Variants in TTC28 observed in about 807,000 individuals in gnomAD.
TTC28 encodes the protein tetratricopeptide repeat protein 28.
In TTC28, 61 loss-of-function variants were observed where a neutral mutation model predicts 198.0. The observed-to-expected ratio is 0.31, with a 90% CI of 0.25 to 0.38. The LOEUF is 0.38. TTC28 is among the 10% of genes least tolerant of loss of function. The pLI is 1.00. For missense variants in TTC28, 2,678 were observed against 3,164.0 expected, an observed-to-expected ratio of 0.85 and a Z score of 3.69; for synonymous variants, 1,171 against 1,297.8, an observed-to-expected ratio of 0.90 and a Z score of 2.10.
chr22:28,090,719 A>T (rs1349351280), intron 12 of TTC28, among the ~76,000 whole-genome samples: 1 of 152,198 alleles, frequency 6.6e-6, no homozygotes, highest in Non-Finnish European at 1.5e-5. Flanking sequence ...TTTAAAAAAT[A>T]TTTACTAAAT....
At chr22:28,518,236 T>G (rs1051876720) in intron 2 of TTC28, among the ~76,000 whole-genome samples, 1 of 152,204 alleles carries the variant, frequency 6.6e-6, no homozygotes, top group East Asian at 1.9e-4. Flanking sequence ...TGCATGGGGT[T>G]TGGAGAACTG....
intron 2 of TTC28, among the ~76,000 whole-genome samples, chr22:28,413,769 T>C (rs980282222): frequency 2.0e-5 from 3 of 152,198 alleles, no homozygotes; most frequent in Non-Finnish European, 4.4e-5. Context: ...GTGGTAACTT[T>C]CCACCACCAA....
intron 6 of TTC28, among the ~76,000 whole-genome samples, chr22:28,115,517 G>A (rs1328930679): frequency 6.6e-6 from 1 of 152,184 alleles, no homozygotes; most frequent in Admixed American, 6.5e-5. Flanking sequence ...TGAACAGATT[G>A]ATGGCCTGGC....
chr22:28,294,978 T>A (rs1226013982), intron 5 of TTC28, among the ~76,000 whole-genome samples: 1 of 152,194 alleles, frequency 6.6e-6, no homozygotes, highest in Non-Finnish European at 1.5e-5. Flanking sequence ...CATTAGTATA[T>A]CTGTCTCTAG....
At position 28,178,301 on chromosome 22, in the gene TTC28, C is replaced by CAAAA. The variant is rs71194755; in HGVS notation, c.934-14706_934-14703dup. 1.3e-3 allele frequency among the ~76,000 whole-genome samples: 181 copies of CAAAA among 137,232 alleles called. 1 individual carries two copies. Among genetic ancestry groups the CAAAA allele is most frequent in the African/African-American group, 4.6e-3 (169 of 36,584 alleles). The allele number at this position is 137,232 out of a possible 152,430, so 90.0% of individuals were successfully genotyped here. ...GAAACGCCGTCTCTACTAATAAATACAAAAAAAAAAAAAAAATTAGCCAAG... is the reference window on the plus strand; with the variant it reads ...GAAACGCCGTCTCTACTAATAAATACAAAAAAAAAAAAAAAAAAAATTAGCCAAG... On this transcript the variant is annotated intron_variant, in intron 5 of 22. Coordinates refer to ENST00000397906, the MANE Select transcript of TTC28 (RefSeq NM_001145418.2).
intron 2 of TTC28, among the ~76,000 whole-genome samples, chr22:28,356,364 A>G (rs1320025530): frequency 1.3e-5 from 2 of 152,142 alleles, no homozygotes; most frequent in Non-Finnish European, 2.9e-5. Flanking sequence ...TACATAGTCC[A>G]TGGGGTTCCT....
At chr22:28,611,178 A>G (rs1407825068) in intron 2 of TTC28, among the ~76,000 whole-genome samples, 1 of 152,210 alleles carries the variant, frequency 6.6e-6, no homozygotes, top group Admixed American at 6.5e-5. Flanking sequence ...AACTTCCCCA[A>G]CCCAGACCAA....
At chr22:28,537,327 A>G (rs555256066) in intron 2 of TTC28, among the ~76,000 whole-genome samples, 4 of 149,040 alleles carry the variant, frequency 2.7e-5, no homozygotes, top group South Asian at 2.1e-4. Context: ...ATAAAATAAA[A>G]TAAAATAAAA....
chr22:27,990,693 C>T (rs1190146591), intron 20 of TTC28, 96 bp downstream of exon 20: 12 of 1,237,342 alleles, frequency 9.7e-6, no homozygotes, highest in African/African-American at 4.6e-5. Flanking sequence ...TTTGACAGCA[C>T]GTGCACCCCG....
At chr22:28,530,673 C>T (rs191403960) in intron 2 of TTC28, among the ~76,000 whole-genome samples, 8 of 152,254 alleles carry the variant, frequency 5.3e-5, no homozygotes, top group African/African-American at 1.9e-4. Context: ...GGTCGGGTTG[C>T]CCACAAAGGG....
At chr22:28,269,805 G>A (rs1326340900) in intron 5 of TTC28, among the ~76,000 whole-genome samples, 1 of 152,148 alleles carries the variant, frequency 6.6e-6, no homozygotes, top group African/African-American at 2.4e-5. Flanking sequence ...CACATAAGAA[G>A]GGGACAACTA....
intron 2 of TTC28, among the ~76,000 whole-genome samples, chr22:28,598,228 A>AGGCC (rs1470243838): frequency 1.3e-5 from 2 of 151,358 alleles, no homozygotes; most frequent in Non-Finnish European, 2.9e-5. Flanking sequence ...AGTAACAAGC[A>AGGCC]GGCCGGGCAC....
At chr22:28,419,169 A>G (rs1422207829) in intron 2 of TTC28, among the ~76,000 whole-genome samples, 2 of 152,192 alleles carry the variant, frequency 1.3e-5, no homozygotes, top group Middle Eastern at 3.2e-3. Flanking sequence ...AGAATCCTGT[A>G]TAACTCTCTG....
chr22:28,670,574 T>A (rs1350777412), intron 1 of TTC28, among the ~76,000 whole-genome samples: 1 of 152,108 alleles, frequency 6.6e-6, no homozygotes, highest in Non-Finnish European at 1.5e-5. Context: ...AAAAAATATT[T>A]TGTTTATCCA....
intron 2 of TTC28, among the ~76,000 whole-genome samples, chr22:28,615,017 A>C (rs1318437564): frequency 6.6e-6 from 1 of 152,216 alleles, no homozygotes; most frequent in African/African-American, 2.4e-5. Flanking sequence ...AAACCTACAG[A>C]ATGGGAGAAA....
At chr22:28,463,943 TTAAAA>T (rs1255920197) in intron 2 of TTC28, among the ~76,000 whole-genome samples, 1 of 151,570 alleles carries the variant, frequency 6.6e-6, no homozygotes, top group Non-Finnish European at 1.5e-5. Flanking sequence ...AAAATAAAAA[TTAAAA>T]TAAAAGAAAT....
chr22:28,636,035 A>C (rs1236023724), intron 1 of TTC28, among the ~76,000 whole-genome samples: 1 of 151,090 alleles, frequency 6.6e-6, no homozygotes, highest in African/African-American at 2.4e-5. Flanking sequence ...CCTACATATA[A>C]GTTAGATCAT....
At chr22:28,476,182 C>T (rs1207843467) in intron 2 of TTC28, among the ~76,000 whole-genome samples, 1 of 152,194 alleles carries the variant, frequency 6.6e-6, no homozygotes, top group Non-Finnish European at 1.5e-5. Flanking sequence ...ATTCTTAATG[C>T]TGTATGTATC....
At chr22:28,575,341 G>A (rs993081606) in intron 2 of TTC28, among the ~76,000 whole-genome samples, 3 of 152,086 alleles carry the variant, frequency 2.0e-5, no homozygotes. Context: ...GCAGATGTAC[G>A]GATTTGTTTC....
Sources: gnomAD v4.1 joint callset for allele counts (sites outside exome capture counted in the v4.1 genomes callset) on GRCh38, gnomAD v4.1.1 for gene constraint, MANE v1.5 for transcripts, NCBI Gene and HGNC (gene_info 2026-07-23, HGNC 2026-07-21) for gene names.